TMCO5A: variants seen among roughly 807,000 people sequenced by gnomAD.
The protein encoded by TMCO5A is transmembrane and coiled-coil domain-containing protein 5A.
In TMCO5A, 34 loss-of-function variants were observed where a neutral mutation model predicts 42.3. The observed-to-expected ratio is 0.80, with a 90% confidence interval of 0.61 to 1.07. TMCO5A has a LOEUF of 1.07. Ranked by LOEUF, TMCO5A falls within the 50% of genes least tolerant of loss-of-function variation. The pLI is 0.00. For synonymous variants in TMCO5A, 131 were observed against 115.6 expected, an observed-to-expected ratio of 1.13 and a Z score of -0.86; for missense variants, 357 against 327.9, an observed-to-expected ratio of 1.09 and a Z score of -0.69.
chr15:38,020,448 T>C, the TMCO5A span: 1 of 152,142 alleles, frequency 6.6e-6, no homozygotes, highest in Non-Finnish European at 1.5e-5. Flanking sequence ...TAACTGCACA[T>C]AGAAGCCAGT....
the TMCO5A span, among the ~76,000 whole-genome samples, chr15:38,033,018 C>T: frequency 6.6e-6 from 1 of 151,546 alleles, no homozygotes; most frequent in African/African-American, 2.4e-5. Flanking sequence ...AGCTCCACCT[C>T]CCGGGTTCAC....
chr15:37,939,004 T>G (rs1031180706), intron 6 of TMCO5A, among the ~76,000 whole-genome samples: 2 of 152,080 alleles, frequency 1.3e-5, no homozygotes, highest in Non-Finnish European at 2.9e-5. Flanking sequence ...GCAGATAAAT[T>G]TTTTTATTAT....
the TMCO5A span, among the ~76,000 whole-genome samples, chr15:38,034,869 G>A: frequency 6.6e-6 from 1 of 151,928 alleles, no homozygotes; most frequent in African/African-American, 2.4e-5. Flanking sequence ...CCTACATAAT[G>A]AGGATCTTAT....
At chr15:38,005,799 A>C in the TMCO5A span, among the ~76,000 whole-genome samples, 1 of 152,192 alleles carries the variant, frequency 6.6e-6, no homozygotes, top group Non-Finnish European at 1.5e-5. Flanking sequence ...TCTTCTTAAC[A>C]GGTCATATGA....
At chr15:37,992,455 A>G in the TMCO5A span, among the ~76,000 whole-genome samples, 45 of 152,322 alleles carry the variant, frequency 3.0e-4, no homozygotes, top group Non-Finnish European at 5.7e-4. Flanking sequence ...TCAAAGAACT[A>G]AAAACAGAAA....
intron 6 of TMCO5A, among the ~76,000 whole-genome samples, chr15:37,940,745 A>T (rs555908247): frequency 1.1e-4 from 16 of 152,238 alleles, no homozygotes; most frequent in African/African-American, 3.6e-4. Context: ...TCTTTTGCCA[A>T]GTATTGAAGG....
At chr15:37,971,954 A>G (rs1890681604), downstream of TMCO5A, among the ~76,000 whole-genome samples, 1 of 152,032 alleles carries the variant, frequency 6.6e-6, no homozygotes, top group African/African-American at 2.4e-5. Flanking sequence ...GTGCCCTCCA[A>G]ACTGTTCCAA....
In TMCO5A at chr15:37,936,901, G is replaced by A; in HGVS notation, c.195G>A (p.Glu65=). The A allele has an allele frequency of 6.2e-7, 1 of 1,612,616 alleles. No individual in the cohort carries two copies. Among genetic ancestry groups the A allele is most frequent in the Non-Finnish European group, 8.5e-7 (1 of 1,179,194 alleles). ...GCCTGGTGGAAGATGAAGAGTGGGA[G>A]AAGGAGAACCGCACCACGATGGAAA... ...TRGLVEDEEW[E]KENRTTMERE... is the part of the protein sequence containing the mutation. The change falls in exon 4 of 12, where the codon GAG becomes GAA. Residue 65 remains glutamate, a synonymous_variant. Transcript: ENST00000319669.
At chr15:37,967,585 T>G (rs891942427) in exon 12 of TMCO5A, 1 of 152,180 alleles carries the variant, frequency 6.6e-6, no homozygotes, top group Admixed American at 6.5e-5. Flanking sequence ...CCTTCTTAAT[T>G]TAAGGTAAAA....
At chr15:38,016,024 C>T in the TMCO5A span, among the ~76,000 whole-genome samples, 1 of 152,248 alleles carries the variant, frequency 6.6e-6, no homozygotes, top group South Asian at 2.1e-4. Flanking sequence ...ACAGAATGTA[C>T]AACACCAAGG....
chr15:38,034,574 C>T, the TMCO5A span, among the ~76,000 whole-genome samples: 1 of 152,194 alleles, frequency 6.6e-6, no homozygotes, highest in South Asian at 2.1e-4. Context: ...CTGGCTCCAC[C>T]TCCCCAACCA....
In TMCO5A at chr15:37,947,666, C is replaced by T. The variant is rs753041897; in HGVS notation, c.638C>T (p.Thr213Ile). 8 of 1,599,722 alleles carry T rather than the reference C, an allele frequency of 5.0e-6. No individual in the cohort carries two copies. The highest frequency in any genetic ancestry group is 1.7e-5 in the Admixed American group (1 of 59,104). The stretch of plus-strand genomic sequence containing the variant: ...CCTTTCTTCTTCCAGGGTACTCCTA[C>T]CCAAAAGACAGCAAGATTATTCAGT... ...HTSQNNEGTP[T>I]QKTARLFSKK... Residue 213 changes from threonine to isoleucine, a missense_variant, in exon 11 of 12, where the codon ACC (threonine) becomes ATC (isoleucine). Thr to Ile is a moderately conservative substitution (Grantham distance 89). Transcript: ENST00000319669.
chr15:37,941,788 A>C, intron 8 of TMCO5A, 58 bp downstream of exon 8: 1 of 1,444,730 alleles, frequency 6.9e-7, no homozygotes, highest in Non-Finnish European at 9.7e-7. Context: ...GATGAAATAG[A>C]ACAAGGATTT....
At chr15:37,996,691 A>G in the TMCO5A span, among the ~76,000 whole-genome samples, 7 of 152,218 alleles carry the variant, frequency 4.6e-5, no homozygotes, top group Non-Finnish European at 7.3e-5. Context: ...GGGAGAACCA[A>G]CTGAAGCTCT....
chr15:38,010,935 C>T, the TMCO5A span, among the ~76,000 whole-genome samples: 1 of 152,056 alleles, frequency 6.6e-6, no homozygotes, highest in Non-Finnish European at 1.5e-5. Flanking sequence ...TTTGTAGAGA[C>T]AGGGTTTTGC....
chr15:37,959,311 T>C (rs970957659), intron 11 of TMCO5A, among the ~76,000 whole-genome samples: 1 of 151,938 alleles, frequency 6.6e-6, no homozygotes, highest in Admixed American at 6.6e-5. Flanking sequence ...ATTCAAACTA[T>C]TCCAAAACAC....
the TMCO5A span, among the ~76,000 whole-genome samples, chr15:37,979,623 C>A: frequency 6.6e-6 from 1 of 152,040 alleles, no homozygotes; most frequent in Non-Finnish European, 1.5e-5. Flanking sequence ...GTAGGGACAG[C>A]GAACCATGAG....
the TMCO5A span, among the ~76,000 whole-genome samples, chr15:38,037,202 T>C: frequency 1.3e-5 from 2 of 152,174 alleles, no homozygotes; most frequent in African/African-American, 4.8e-5. Flanking sequence ...GGGCTAATGC[T>C]ATGAAAATGA....
chr15:38,012,358 A>C, the TMCO5A span, among the ~76,000 whole-genome samples: 2 of 151,944 alleles, frequency 1.3e-5, no homozygotes, highest in African/African-American at 4.8e-5. Context: ...CATTCACACC[A>C]CTCAAATCAA....
Sources: allele counts gnomAD v4.1 joint callset (sites outside exome capture counted in the v4.1 genomes callset), GRCh38; gene constraint gnomAD v4.1.1; transcripts MANE v1.5; gene names NCBI Gene and HGNC (gene_info 2026-07-23, HGNC 2026-07-21).